The following FARS2 variants were observed in gnomAD, a reference collection of about 807,000 sequenced individuals.
The protein encoded by FARS2 is phenylalanyl-tRNA synthetase 2, mitochondrial, also known as phenylalanine--tRNA ligase, mitochondrial.
Under a neutral mutation model 46.4 loss-of-function variants are expected in FARS2, and 40 were observed. That is an observed-to-expected ratio of 0.86 (90% CI 0.67 to 1.12). FARS2 has a LOEUF of 1.12. FARS2 is among the 50% of genes most tolerant of loss of function. The pLI is 0.00. For synonymous variants in FARS2, 234 were observed against 214.9 expected (o/e 1.09, Z -0.78); for missense variants, 513 against 567.9 (o/e 0.90, Z 0.98).
intron 5 of FARS2, among the ~76,000 whole-genome samples, chr6:5,567,572 C>G (rs939987727): frequency 1.1e-4 from 17 of 152,144 alleles, no homozygotes; most frequent in Non-Finnish European, 2.9e-5. Context: ...TGTTACTCTT[C>G]TAGATACATA....
chr6:5,710,587 C>T (rs745419712), intron 6 of FARS2, among the ~76,000 whole-genome samples: 33 of 152,172 alleles, frequency 2.2e-4, no homozygotes, highest in Admixed American at 3.9e-4. Flanking sequence ...GGCCACAGCA[C>T]GGGGAGGGGA....
chr6:5,733,167 G>C (rs1316299541), intron 6 of FARS2, among the ~76,000 whole-genome samples: 2 of 152,300 alleles, frequency 1.3e-5, no homozygotes, highest in Admixed American at 1.3e-4. Context: ...TTAGATTTTT[G>C]AAGAGAAGCA....
intron 6 of FARS2, among the ~76,000 whole-genome samples, chr6:5,698,226 T>C (rs373857627): frequency 4.5e-4 from 69 of 152,302 alleles, no homozygotes; most frequent in African/African-American, 1.6e-3. Context: ...GTACAGGAAG[T>C]ATCATGCTGG....
rs564054376 is a variant in FARS2 at position 5,620,440 on chromosome 6, A to G, written c.1217+7120A>G. On this transcript the variant is annotated intron_variant, in intron 6 of 6. Transcript: ENST00000274680. ...GTGTTCTAGTGGGGGCTCTTGTCCCAAGGAACAGAGAGACCCACTTGTTCA... is the reference window on the plus strand; with the variant it reads ...GTGTTCTAGTGGGGGCTCTTGTCCCGAGGAACAGAGAGACCCACTTGTTCA... 2.7e-3 allele frequency among the ~76,000 whole-genome samples: 407 copies of G among 152,314 alleles called. 1 individual carries two copies. The highest frequency in any genetic ancestry group is 9.3e-3 in the African/African-American group (386 of 41,574).
chr6:5,425,164 T>C (rs958626345), intron 3 of FARS2, among the ~76,000 whole-genome samples: 1 of 150,978 alleles, frequency 6.6e-6, no homozygotes, highest in Admixed American at 6.6e-5. Flanking sequence ...TAATGGCATA[T>C]TTGTTCAGTT....
chr6:5,506,482 C>A (rs935893012), intron 4 of FARS2, among the ~76,000 whole-genome samples: 1 of 152,164 alleles, frequency 6.6e-6, no homozygotes, highest in Admixed American at 6.5e-5. Context: ...GGCACAGCCT[C>A]TTAACCACCG....
intron 1 of FARS2, among the ~76,000 whole-genome samples, chr6:5,319,348 C>T (rs2127561659): frequency 6.6e-6 from 1 of 152,152 alleles, no homozygotes; most frequent in East Asian, 1.9e-4. Context: ...ATATAGCCTT[C>T]CTCTAGGAAC....
At chr6:5,341,645 A>C (rs946388863) in intron 1 of FARS2, among the ~76,000 whole-genome samples, 1 of 151,764 alleles carries the variant, frequency 6.6e-6, no homozygotes, top group Non-Finnish European at 1.5e-5. Context: ...CAGCCTCCGG[A>C]GTAGCTAGGA....
intron 4 of FARS2, among the ~76,000 whole-genome samples, chr6:5,434,213 G>C (rs1763391006): frequency 6.6e-6 from 1 of 152,142 alleles, no homozygotes; most frequent in Admixed American, 6.5e-5. Flanking sequence ...CTGGGTTCAA[G>C]CGATTCTTGT....
chr6:5,262,831 TC>T (rs1425576597), intron 1 of FARS2, among the ~76,000 whole-genome samples: 2 of 152,238 alleles, frequency 1.3e-5, no homozygotes, highest in African/African-American at 4.8e-5. Flanking sequence ...TTCTATTACT[TC>T]CTGGTTGGTC....
intron 1 of FARS2, among the ~76,000 whole-genome samples, chr6:5,271,565 T>TG (rs1765949673): frequency 6.9e-6 from 1 of 143,962 alleles, no homozygotes; most frequent in African/African-American, 2.6e-5. Flanking sequence ...TGTCTGTTTT[T>TG]TTTTTTTTTT....
At chr6:5,726,356 G>A (rs917310686) in intron 6 of FARS2, among the ~76,000 whole-genome samples, 34 of 152,130 alleles carry the variant, frequency 2.2e-4, no homozygotes, top group East Asian at 1.9e-4. Context: ...GCTGGAGCCC[G>A]CCAGTATGAT....
intron 6 of FARS2, among the ~76,000 whole-genome samples, chr6:5,740,772 T>C (rs541505754): frequency 2.5e-4 from 38 of 152,320 alleles, no homozygotes; most frequent in Non-Finnish European, 4.3e-4. Flanking sequence ...GTCTGTAACC[T>C]GGGGGGAATA....
intron 4 of FARS2, chr6:5,466,941 A>G: frequency 1.0e-6 from 1 of 985,334 alleles, no homozygotes; most frequent in Admixed American, 6.1e-5. Flanking sequence ...TCTCTTTACT[A>G]GCACAGCCTG....
In FARS2 at chr6:5,299,630, A is replaced by G. The variant is rs530353174; in HGVS notation, c.-22+37970A>G. 3.3e-5 allele frequency among the ~76,000 whole-genome samples: 5 copies of G among 152,174 alleles called. No homozygotes were observed. The South Asian group carries it at 8.3e-4, about 25-fold the overall frequency. On this transcript the variant is annotated intron_variant, in intron 1 of 6. Transcript: ENST00000274680. ...TAGATGTGCCATGTTGGTTTGCTGC[A>G]CTCATCAACTCGTCATTTACATTGT...
At chr6:5,463,679 C>T (rs2150305854) in intron 4 of FARS2, among the ~76,000 whole-genome samples, 1 of 147,118 alleles carries the variant, frequency 6.8e-6, no homozygotes, top group South Asian at 2.2e-4. Context: ...ATATCAACAG[C>T]ATTATGAGCA....
chr6:5,371,074 A>C (rs1185690732), intron 2 of FARS2: 1 of 400,628 alleles, frequency 2.5e-6, no homozygotes, highest in African/African-American at 2.2e-5. Flanking sequence ...AGCTCTTCTG[A>C]ATTCATTGCC....
At chr6:5,263,246 C>T (rs989120419) in intron 1 of FARS2, among the ~76,000 whole-genome samples, 1 of 152,166 alleles carries the variant, frequency 6.6e-6, no homozygotes, top group Non-Finnish European at 1.5e-5. Flanking sequence ...CTAAATTACT[C>T]AACTTTGTTG....
In FARS2 at chr6:5,588,393, A is replaced by T. The variant is rs114666980; in HGVS notation, c.1066-24776A>T. ...AGTTAGAAATCTGGAAGGTGTTAAC[A>T]TTCCTGATTTTTCTGTAGACAAATT... On this transcript the variant is annotated intron_variant, in intron 5 of 6. Transcript: ENST00000274680. Among the ~76,000 whole-genome samples the T allele has an allele frequency of 8.2e-3, 1,253 of 152,304 alleles. 9 individuals carry two copies. The highest frequency in any genetic ancestry group is 0.016 in the South Asian group (75 of 4,830).
Sources: allele counts gnomAD v4.1 joint callset (sites outside exome capture counted in the v4.1 genomes callset), GRCh38; gene constraint gnomAD v4.1.1; transcripts MANE v1.5; gene names NCBI Gene and HGNC (gene_info 2026-07-23, HGNC 2026-07-21).